SEMA6D: variants seen among roughly 807,000 people sequenced by gnomAD.
SEMA6D encodes the protein semaphorin-6D.
In SEMA6D, 35 loss-of-function variants were observed where a neutral mutation model predicts 106.6. The observed-to-expected ratio is 0.33, with a 90% confidence interval of 0.25 to 0.44. The LOEUF (loss-of-function observed/expected upper bound fraction) is 0.44. SEMA6D is among the 20% of genes least tolerant of loss of function. The pLI is 1.00. For synonymous variants in SEMA6D, 499 were observed against 487.7 expected (o/e 1.02, Z -0.31); for missense variants, 1,185 against 1,345.9 (o/e 0.88, Z 1.87).
At chr15:47,348,407 A>G (rs1367691137) in intron 1 of SEMA6D, among the ~76,000 whole-genome samples, 3 of 152,106 alleles carry the variant, frequency 2.0e-5, no homozygotes, top group Non-Finnish European at 4.4e-5. Context: ...AGAACCATAC[A>G]CACATAAGTA....
intron 1 of SEMA6D, among the ~76,000 whole-genome samples, chr15:47,324,486 A>G (rs1408015721): frequency 6.6e-5 from 10 of 152,062 alleles, no homozygotes; most frequent in African/African-American, 2.4e-4. Flanking sequence ...GGACTTCAAC[A>G]CTTCATAATT....
chr15:47,527,935 T>G (rs1490130881), intron 3 of SEMA6D, among the ~76,000 whole-genome samples: 1 of 152,220 alleles, frequency 6.6e-6, no homozygotes, highest in Non-Finnish European at 1.5e-5. Flanking sequence ...AAGGCCAGGT[T>G]TCCCATATTA....
rs569050895 is a variant in SEMA6D, at chr15:47,671,626, G to GA, written c.-55+70740dup. Among the ~76,000 whole-genome samples, 36 of 149,620 alleles carry GA rather than the reference G, an allele frequency of 2.4e-4. 1 individual carries two copies. Among genetic ancestry groups the GA allele is most frequent in the East Asian group, 1.4e-3 (7 of 5,118 alleles). On this transcript the variant is annotated intron_variant, in intron 4 of 19. Transcript: ENST00000558014. Reference sequence around the variant, plus strand: ...ATGGATTCAAGTAGTCAGTGAGCAGGAAAAAAAAAATCATGTTTTTTAATA... The same window carrying GA: ...ATGGATTCAAGTAGTCAGTGAGCAGGAAAAAAAAAAATCATGTTTTTTAATA...
At chr15:47,676,839 A>G (rs936405946) in intron 4 of SEMA6D, among the ~76,000 whole-genome samples, 1 of 151,986 alleles carries the variant, frequency 6.6e-6, no homozygotes, top group Admixed American at 6.5e-5. Context: ...ATGGGGTCAT[A>G]GATGGTGGTT....
chr15:47,190,670 A>G (rs1893898214), intron 1 of SEMA6D, among the ~76,000 whole-genome samples: 1 of 152,212 alleles, frequency 6.6e-6, no homozygotes, highest in African/African-American at 2.4e-5. Flanking sequence ...CATGAGGCAA[A>G]GATACATTAG....
At position 47,766,614 on chromosome 15, in the gene SEMA6D, A is replaced by G. The variant is rs1483513194; in HGVS notation, c.1647-2A>G. 1 of 1,612,754 alleles carries G rather than the reference A, an allele frequency of 6.2e-7. No individual in the cohort carries two copies. The highest frequency in any genetic ancestry group is 1.1e-5 in the South Asian group (1 of 90,976). On this transcript the variant is annotated splice_acceptor_variant, in intron 15 of 18. Transcript: ENST00000536845. LOFTEE classifies it high-confidence loss of function. ...AGACTTCTTTGCTTTCCATAACCAC[A>G]GTGCTGAAGGATATGAACAAGACAC...
intron 1 of SEMA6D, among the ~76,000 whole-genome samples, chr15:47,298,566 G>A (rs559119508): frequency 6.6e-6 from 1 of 152,228 alleles, no homozygotes; most frequent in East Asian, 1.9e-4. Context: ...AGAAGTCATT[G>A]TGTTCTTATT....
chr15:47,531,275 G>T (rs562068937), intron 3 of SEMA6D, among the ~76,000 whole-genome samples: 10 of 152,282 alleles, frequency 6.6e-5, no homozygotes, highest in Non-Finnish European at 7.4e-5. Flanking sequence ...CAGAATATCA[G>T]CTTGGCATTA....
At chr15:47,199,575 A>G (rs557789669) in intron 1 of SEMA6D, among the ~76,000 whole-genome samples, 2 of 152,282 alleles carry the variant, frequency 1.3e-5, no homozygotes, top group African/African-American at 2.4e-5. Context: ...TATTTCTGCA[A>G]TTCCTTCCAA....
At chr15:47,429,307 G>A (rs929821622) in intron 2 of SEMA6D, among the ~76,000 whole-genome samples, 13 of 152,074 alleles carry the variant, frequency 8.5e-5, no homozygotes, top group Non-Finnish European at 1.6e-4. Flanking sequence ...ATACAATGAG[G>A]TGCTTTCTTT....
chr15:47,643,016 G>A (rs534772519), intron 4 of SEMA6D, among the ~76,000 whole-genome samples: 94 of 152,078 alleles, frequency 6.2e-4, no homozygotes, highest in African/African-American at 2.0e-3. Context: ...GAGAGAGACA[G>A]AAATAGGAAT....
chr15:47,271,822 G>A (rs62014047), intron 1 of SEMA6D, among the ~76,000 whole-genome samples: 1,827 of 152,316 alleles, frequency 0.012, 34 homozygotes, highest in Admixed American at 0.013. Flanking sequence ...GAGGTCAGTG[G>A]AGGAAAATAT....
chr15:47,751,153 G>A (rs1043601262), intron 1 of SEMA6D, among the ~76,000 whole-genome samples: 1 of 152,166 alleles, frequency 6.6e-6, no homozygotes, highest in African/African-American at 2.4e-5. Flanking sequence ...CAAAGCTTGT[G>A]GTGTCAGCCA....
chr15:47,338,851 C>G (rs2037683831), intron 1 of SEMA6D, among the ~76,000 whole-genome samples: 1 of 152,092 alleles, frequency 6.6e-6, no homozygotes, highest in African/African-American at 2.4e-5. Flanking sequence ...TTTCATCTGT[C>G]CAAGGCAGGA....
chr15:47,570,504 GACTGAAAAAGAAGTA>G (rs1337286581), intron 3 of SEMA6D, among the ~76,000 whole-genome samples: 2 of 152,108 alleles, frequency 1.3e-5, no homozygotes, highest in African/African-American at 2.4e-5. Flanking sequence ...ATATATCTTT[GACTGAAAAAGAAGTA>G]AAGTGTTTAC....
At position 47,766,685 on chromosome 15, in the gene SEMA6D, A is replaced by G; in HGVS notation, c.1708+8A>G. 8.9e-6 allele frequency: 14 copies of G among 1,569,254 alleles called. No individual in the cohort carries two copies. The highest frequency in any genetic ancestry group is 1.1e-5 in the Non-Finnish European group (13 of 1,140,232). The stretch of plus-strand genomic sequence containing the variant: ...ATCTAGGGGACTGCCATGGTAAGAC[A>G]GAATCTTCCATTCCCACCTGGAGCT... On this transcript the variant is annotated splice_region_variant and intron_variant, in intron 16 of 18. Transcript: ENST00000536845.
At chr15:47,302,398 A>G (rs532997498) in intron 1 of SEMA6D, among the ~76,000 whole-genome samples, 1 of 152,364 alleles carries the variant, frequency 6.6e-6, no homozygotes, top group African/African-American at 2.4e-5. Context: ...TGAAAAAAGA[A>G]AAGCAAAAAA....
intron 1 of SEMA6D, among the ~76,000 whole-genome samples, chr15:47,733,109 C>T (rs761097785): frequency 2.0e-5 from 3 of 152,218 alleles, no homozygotes; most frequent in Non-Finnish European, 2.9e-5. Context: ...ACCCTTAAAG[C>T]TCTAAAGCTA....
At chr15:47,464,537 G>A (rs1417946090) in intron 2 of SEMA6D, among the ~76,000 whole-genome samples, 2 of 152,010 alleles carry the variant, frequency 1.3e-5, no homozygotes, top group Non-Finnish European at 2.9e-5. Context: ...TCCACATCTG[G>A]GCCTGGCTTT....
Sources: allele counts gnomAD v4.1 joint callset (sites outside exome capture counted in the v4.1 genomes callset), GRCh38; gene constraint gnomAD v4.1.1; transcripts MANE v1.5; gene names NCBI Gene and HGNC (gene_info 2026-07-23, HGNC 2026-07-21).